Variants in POLD3 observed in about 807,000 individuals in gnomAD.
POLD3 encodes the protein DNA polymerase delta subunit 3.
POLD3 carries 19 observed loss-of-function variants against 58.2 expected under a neutral mutation model. The observed-to-expected ratio is 0.33, with a 90% confidence interval of 0.23 to 0.48. The LOEUF (loss-of-function observed/expected upper bound fraction) is 0.48. Ranked by LOEUF, POLD3 falls within the 20% of genes least tolerant of loss-of-function variation. The pLI is 0.99. For synonymous variants in POLD3, 172 were observed against 193.5 expected (o/e 0.89, Z 0.92); for missense variants, 504 against 545.5 (o/e 0.92, Z 0.76).
At chr11:74,639,222 TG>T (rs1014361190) in intron 11 of POLD3, among the ~76,000 whole-genome samples, 2 of 152,202 alleles carry the variant, frequency 1.3e-5, no homozygotes, top group African/African-American at 4.8e-5. Flanking sequence ...AAACAGAATC[TG>T]GCAATCTATG....
intron 4 of POLD3, 93 bp from the exon 5 acceptor site, chr11:74,612,785 A>G (rs1396778444): frequency 1.2e-5 from 13 of 1,099,452 alleles, no homozygotes; most frequent in Middle Eastern, 2.1e-4. Context: ...ACCACAGATT[A>G]CAAATGCTTT....
chr11:74,599,467 C>T (rs1447791938), intron 2 of POLD3, among the ~76,000 whole-genome samples: 7 of 150,202 alleles, frequency 4.7e-5, no homozygotes, highest in East Asian at 3.9e-4. Context: ...CAGGTTCAAA[C>T]GATTCTCCTG....
At chr11:74,653,172 G>A (rs983053618) in intron 4 of POLD3, among the ~76,000 whole-genome samples, 1 of 152,144 alleles carries the variant, frequency 6.6e-6, no homozygotes, top group African/African-American at 2.4e-5. Flanking sequence ...GGCAGTTTTT[G>A]CCAAAGTATT....
In POLD3 at chr11:74,592,619, TGAGA is replaced by T. The variant is rs780242354; in HGVS notation, c.-36_-33del. On this transcript the variant is annotated 5_prime_UTR_variant, in exon 1 of 12. Coordinates refer to ENST00000263681, the MANE Select transcript of POLD3 (RefSeq NM_006591.3). ...CGCCGGCGGGAGCTGTGGCTGTGAT[TGAGA>T]GAGGGGTTAGAGGCGGGTCCCAGCG... 1.9e-6 allele frequency: 3 copies of T among 1,611,314 alleles called. No individual in the cohort carries two copies. In the African/African-American group the frequency reaches 4.0e-5, roughly 21 times the overall value.
chr11:74,604,844 G>C (rs749001887), intron 3 of POLD3, 50 bp downstream of exon 3: 19 of 1,004,564 alleles, frequency 1.9e-5, no homozygotes, highest in Non-Finnish European at 2.7e-5. Flanking sequence ...GTGTTATGAA[G>C]AGTGTTATAA....
chr11:74,618,007 A>G (rs935305827), intron 5 of POLD3, among the ~76,000 whole-genome samples: 2 of 152,218 alleles, frequency 1.3e-5, no homozygotes, highest in African/African-American at 2.4e-5. Flanking sequence ...GCGTGAGCCA[A>G]TGCGCCCAAC....
chr11:74,653,148 G>A (rs7937753), intron 4 of POLD3, among the ~76,000 whole-genome samples: 83,555 of 152,012 alleles, frequency 0.55, 23,483 homozygotes, highest in Non-Finnish European at 0.61. Context: ...ATATTAGGTT[G>A]GTACAAAAGT....
At chr11:74,625,364 T>C (rs375657091) in intron 7 of POLD3, 44 bp from the exon 8 acceptor site, 23 of 1,470,268 alleles carry the variant, frequency 1.6e-5, no homozygotes, top group Non-Finnish European at 2.1e-5. Context: ...TGTATTAATA[T>C]TGCATGATGG....
intron 2 of POLD3, among the ~76,000 whole-genome samples, chr11:74,602,782 C>T (rs2031547161): frequency 6.6e-6 from 1 of 152,232 alleles, no homozygotes; most frequent in Non-Finnish European, 1.5e-5. Context: ...GCCCTCTCTC[C>T]CCTACTACCG....
chr11:74,646,913 C>CT (rs1235358870), downstream of POLD3, among the ~76,000 whole-genome samples: 1 of 152,200 alleles, frequency 6.6e-6, no homozygotes, highest in Non-Finnish European at 1.5e-5. Context: ...GGTCCCCAAC[C>CT]TTTTTGGCAC....
chr11:74,663,921 T>A (rs1289060724), intron 4 of POLD3, among the ~76,000 whole-genome samples: 1 of 152,162 alleles, frequency 6.6e-6, no homozygotes. Flanking sequence ...AAAAAACTTA[T>A]ACAGCTCAAT....
chr11:74,619,471 C>G (rs1591304876), intron 6 of POLD3, among the ~76,000 whole-genome samples: 1 of 152,288 alleles, frequency 6.6e-6, no homozygotes, highest in East Asian at 1.9e-4. Flanking sequence ...GAGGAAAACA[C>G]TAACGTTTAT....
intron 4 of POLD3, among the ~76,000 whole-genome samples, chr11:74,654,005 G>A (rs995627771): frequency 3.3e-5 from 5 of 152,108 alleles, no homozygotes; most frequent in Admixed American, 3.3e-4. Flanking sequence ...AGAAAGAAGG[G>A]GAGGGGAGAT....
intron 6 of POLD3, 49 bp downstream of exon 6, chr11:74,618,853 C>T: frequency 6.7e-7 from 1 of 1,494,176 alleles, no homozygotes; most frequent in African/African-American, 1.4e-5. Flanking sequence ...GAGTGGGTAA[C>T]TAGAAAAGCA....
chr11:74,624,002 T>C (rs1424379124), intron 7 of POLD3, among the ~76,000 whole-genome samples: 3 of 152,212 alleles, frequency 2.0e-5, no homozygotes, highest in African/African-American at 7.2e-5. Flanking sequence ...TTTTCTGTAA[T>C]TGGTAAACTC....
At chr11:74,603,991 A>C (rs776048079) in intron 2 of POLD3, among the ~76,000 whole-genome samples, 1 of 152,240 alleles carries the variant, frequency 6.6e-6, no homozygotes, top group African/African-American at 2.4e-5. Flanking sequence ...GTATTTGGCT[A>C]TCTCAGGTTA....
At chr11:74,656,598 T>C (rs12271394) in intron 4 of POLD3, among the ~76,000 whole-genome samples, 124,190 of 151,764 alleles carry the variant, frequency 0.82, 51,000 homozygotes, top group Middle Eastern at 0.94. Flanking sequence ...AAAAAAAAAA[T>C]TCTTCATTTC....
rs372261294 is a variant in POLD3, at chr11:74,620,092, A to G, written c.733+3A>G. On this transcript the variant is annotated splice_donor_region_variant and intron_variant, in intron 7 of 11. Transcript: ENST00000263681. ...CTTTTTTGGAAAAGCTGCTATGAGT[A>G]AGCATGTTCTTACCTCACTTTGACT... 1 of 1,599,700 alleles carries G rather than the reference A, an allele frequency of 6.3e-7. No individual in the cohort carries two copies. Among genetic ancestry groups the G allele is most frequent in the Non-Finnish European group, 8.6e-7 (1 of 1,166,952 alleles).
intron 11 of POLD3, among the ~76,000 whole-genome samples, chr11:74,639,056 A>G (rs566767926): frequency 6.6e-6 from 1 of 152,196 alleles, no homozygotes. Context: ...GGAATGCTCC[A>G]GTGGCAATTG....
Sources: allele counts gnomAD v4.1 joint callset (sites outside exome capture counted in the v4.1 genomes callset), GRCh38; gene constraint gnomAD v4.1.1; transcripts MANE v1.5; gene names NCBI Gene and HGNC (gene_info 2026-07-23, HGNC 2026-07-21).